Variants in PPARGC1A observed in about 807,000 individuals in gnomAD.
PPARGC1A encodes the protein PPARG coactivator 1 alpha.
A neutral mutation model predicts 88.7 loss-of-function variants in PPARGC1A; 25 were observed. That is an observed-to-expected ratio of 0.28 (90% CI 0.21 to 0.39). The LOEUF (loss-of-function observed/expected upper bound fraction) is 0.39. Among genes scored for constraint, PPARGC1A ranks in the 10% least tolerant of loss-of-function variants. PPARGC1A has a pLI of 1.00. For missense variants in PPARGC1A, 880 were observed against 968.7 expected (o/e 0.91, Z 1.22); for synonymous variants, 363 against 355.6 (o/e 1.02, Z -0.24).
At chr4:24,341,626 G>A in the PPARGC1A span, among the ~76,000 whole-genome samples, 1 of 152,272 alleles carries the variant, frequency 6.6e-6, no homozygotes, top group East Asian at 1.9e-4. Flanking sequence ...AGCAAGGCTT[G>A]TCTGAGGAAG....
At chr4:24,313,976 G>C in the PPARGC1A span, among the ~76,000 whole-genome samples, 1 of 152,138 alleles carries the variant, frequency 6.6e-6, no homozygotes, top group African/African-American at 2.4e-5. Context: ...GTATCAACTT[G>C]GATAGGCTTC....
At chr4:23,914,193 G>C in the PPARGC1A span, among the ~76,000 whole-genome samples, 3 of 152,046 alleles carry the variant, frequency 2.0e-5, no homozygotes, top group East Asian at 1.9e-4. Flanking sequence ...AAATTTTATT[G>C]AGTGCTTATT....
chr4:23,933,820 A>T, the PPARGC1A span, among the ~76,000 whole-genome samples: 1 of 152,244 alleles, frequency 6.6e-6, no homozygotes, highest in Admixed American at 6.5e-5. Flanking sequence ...AGCAGCTGCC[A>T]GCCACTCATC....
At chr4:24,401,310 G>A in the PPARGC1A span, among the ~76,000 whole-genome samples, 5 of 151,964 alleles carry the variant, frequency 3.3e-5, no homozygotes, top group Non-Finnish European at 7.4e-5. Context: ...GAGCCACTGC[G>A]CCCGGCCATA....
At chr4:24,005,939 C>G in the PPARGC1A span, among the ~76,000 whole-genome samples, 1 of 152,134 alleles carries the variant, frequency 6.6e-6, no homozygotes, top group Admixed American at 6.5e-5. Flanking sequence ...TGGGGTGACA[C>G]AGCTTGACAA....
chr4:23,830,650 C>T (rs891691580), intron 3 of PPARGC1A, among the ~76,000 whole-genome samples: 2 of 152,152 alleles, frequency 1.3e-5, no homozygotes, highest in Non-Finnish European at 2.9e-5. Flanking sequence ...AGAGTAACAA[C>T]CTCTAAATGG....
At chr4:24,385,591 C>T in the PPARGC1A span, among the ~76,000 whole-genome samples, 1 of 152,050 alleles carries the variant, frequency 6.6e-6, no homozygotes, top group Non-Finnish European at 1.5e-5. Context: ...ATACAAACTA[C>T]CATCAGAGAA....
chr4:23,798,441 C>A (rs999046270), intron 12 of PPARGC1A, among the ~76,000 whole-genome samples: 1 of 151,998 alleles, frequency 6.6e-6, no homozygotes, highest in East Asian at 1.9e-4. Flanking sequence ...TTATTAAAAC[C>A]ATGGTTGAAA....
the PPARGC1A span, among the ~76,000 whole-genome samples, chr4:24,074,274 C>T: frequency 6.6e-6 from 1 of 152,116 alleles, no homozygotes; most frequent in Non-Finnish European, 1.5e-5. Flanking sequence ...ATTTCCTCAT[C>T]TATGAATGGG....
At chr4:24,221,874 G>A in the PPARGC1A span, among the ~76,000 whole-genome samples, 9 of 152,236 alleles carry the variant, frequency 5.9e-5, no homozygotes, top group East Asian at 3.9e-4. Flanking sequence ...CAGTAAGACC[G>A]TTCTTCACTC....
chr4:23,905,226 C>G (rs143894839), upstream of PPARGC1A, among the ~76,000 whole-genome samples: 270 of 152,332 alleles, frequency 1.8e-3, no homozygotes, highest in African/African-American at 6.3e-3. Context: ...ATCACACTTT[C>G]AACTCTTGAT....
chr4:24,120,473 T>C, the PPARGC1A span, among the ~76,000 whole-genome samples: 1 of 152,214 alleles, frequency 6.6e-6, no homozygotes, highest in Non-Finnish European at 1.5e-5. Flanking sequence ...TTAACCCCCA[T>C]AAAGACTTTG....
chr4:23,848,260 T>C (rs1444812036), intron 2 of PPARGC1A, among the ~76,000 whole-genome samples: 2 of 152,196 alleles, frequency 1.3e-5, no homozygotes, highest in South Asian at 2.1e-4. Context: ...AGTTACAAAC[T>C]TGACTTAAAT....
the PPARGC1A span, among the ~76,000 whole-genome samples, chr4:24,112,148 G>C: frequency 1.3e-5 from 2 of 152,106 alleles, no homozygotes; most frequent in Admixed American, 1.3e-4. Context: ...CTCTAAGTCA[G>C]GAATGACAAG....
chr4:23,874,593 C>T (rs929413255), intron 2 of PPARGC1A, among the ~76,000 whole-genome samples: 1 of 151,944 alleles, frequency 6.6e-6, no homozygotes, highest in South Asian at 2.1e-4. Flanking sequence ...AGTGTATATG[C>T]ACATACACAG....
At chr4:24,365,242 G>GA in the PPARGC1A span, among the ~76,000 whole-genome samples, 1 of 151,812 alleles carries the variant, frequency 6.6e-6, no homozygotes, top group Non-Finnish European at 1.5e-5. Flanking sequence ...AAATAAAGGG[G>GA]AAAAAACCTT....
chr4:24,438,474 G>C, the PPARGC1A span, among the ~76,000 whole-genome samples: 1 of 152,100 alleles, frequency 6.6e-6, no homozygotes, highest in Non-Finnish European at 1.5e-5. Context: ...CTCACTCATG[G>C]CAATAAAGTT....
chr4:23,964,212 A>T, the PPARGC1A span, among the ~76,000 whole-genome samples: 1 of 152,196 alleles, frequency 6.6e-6, no homozygotes, highest in Non-Finnish European at 1.5e-5. Context: ...TTTTGCCTCC[A>T]TTTTTACAGA....
the PPARGC1A span, among the ~76,000 whole-genome samples, chr4:24,170,265 T>C: frequency 0.2 from 29,719 of 152,064 alleles, 3,018 homozygotes; most frequent in South Asian, 0.3. Flanking sequence ...TCAGCTCAAG[T>C]GTGTCTATAT....
Sources: allele counts gnomAD v4.1 joint callset (sites outside exome capture counted in the v4.1 genomes callset), GRCh38; gene constraint gnomAD v4.1.1; transcripts MANE v1.5; gene names NCBI Gene and HGNC (gene_info 2026-07-23, HGNC 2026-07-21).